ZNF385D: variants seen among roughly 807,000 people sequenced by gnomAD.
ZNF385D encodes zinc finger protein 659.
ZNF385D carries 15 observed loss-of-function variants against 35.8 expected under a neutral mutation model. The observed-to-expected ratio is 0.42, with a 90% confidence interval of 0.28 to 0.64. The LOEUF is 0.64. ZNF385D is among the 30% of genes least tolerant of loss of function. ZNF385D has a pLI of 0.23. For synonymous variants in ZNF385D, 212 were observed against 186.8 expected (o/e 1.13, Z -1.10); for missense variants, 474 against 494.6 (o/e 0.96, Z 0.39).
At chr3:22,095,328 C>T (rs1325614392) in intron 3 of ZNF385D, among the ~76,000 whole-genome samples, 1 of 151,934 alleles carries the variant, frequency 6.6e-6, no homozygotes, top group African/African-American at 2.4e-5. Context: ...AAATTCTGCA[C>T]ATCTATTTCT....
intron 3 of ZNF385D, among the ~76,000 whole-genome samples, chr3:21,531,496 G>T (rs1379583738): frequency 6.6e-6 from 1 of 152,272 alleles, no homozygotes; most frequent in African/African-American, 2.4e-5. Context: ...TGCCAAAAAT[G>T]AGAAACAACC....
At chr3:21,687,425 G>A (rs34736466) in intron 1 of ZNF385D, among the ~76,000 whole-genome samples, 20,431 of 152,026 alleles carry the variant, frequency 0.13, 1,597 homozygotes, top group East Asian at 0.23. Context: ...ACTTTTTGGA[G>A]CAGTTTTATG....
chr3:22,089,043 A>C (rs1701186990), intron 3 of ZNF385D, among the ~76,000 whole-genome samples: 1 of 152,194 alleles, frequency 6.6e-6, no homozygotes, highest in South Asian at 2.1e-4. Flanking sequence ...GGTAGGGATC[A>C]TAAGAAAAAT....
chr3:22,320,391 T>C (rs1694357692), intron 2 of ZNF385D, among the ~76,000 whole-genome samples: 1 of 152,100 alleles, frequency 6.6e-6, no homozygotes, highest in Non-Finnish European at 1.5e-5. Context: ...ATCATTTCCC[T>C]AATATTTTCC....
intron 2 of ZNF385D, among the ~76,000 whole-genome samples, chr3:22,264,989 T>C (rs1191835736): frequency 6.6e-6 from 1 of 151,876 alleles, no homozygotes; most frequent in Non-Finnish European, 1.5e-5. Context: ...CTCTTCCTTC[T>C]ACTCCAGAAT....
chr3:22,117,105 G>C (rs1374381307), intron 3 of ZNF385D, among the ~76,000 whole-genome samples: 1 of 152,018 alleles, frequency 6.6e-6, no homozygotes, highest in Non-Finnish European at 1.5e-5. Flanking sequence ...GGCTTTAGGA[G>C]TTCCCACTGG....
At chr3:21,915,037 T>G (rs569833097) in intron 3 of ZNF385D, among the ~76,000 whole-genome samples, 1 of 149,434 alleles carries the variant, frequency 6.7e-6, no homozygotes, top group South Asian at 2.1e-4. Flanking sequence ...AAATCCAGAG[T>G]GTAAAAATTA....
intron 3 of ZNF385D, among the ~76,000 whole-genome samples, chr3:22,001,886 T>G (rs1695865986): frequency 1.3e-5 from 2 of 152,044 alleles, no homozygotes; most frequent in South Asian, 4.1e-4. Flanking sequence ...TTGAAAAAAT[T>G]ATTGAAACAA....
chr3:21,625,316 C>A (rs1354876071), intron 2 of ZNF385D, among the ~76,000 whole-genome samples: 3 of 151,980 alleles, frequency 2.0e-5, no homozygotes, highest in African/African-American at 7.2e-5. Flanking sequence ...ATGAAATGAT[C>A]CAAAGGAGGA....
At chr3:21,886,635 T>C (rs956500855) in intron 3 of ZNF385D, among the ~76,000 whole-genome samples, 29 of 152,120 alleles carry the variant, frequency 1.9e-4, no homozygotes, top group Non-Finnish European at 2.9e-5. Context: ...ACATTGTCTG[T>C]ACTGAACTGG....
Position 21,464,743 on chromosome 3 carries a change from A to AACACACACACACACAC in ZNF385D, c.440-27556_440-27541dup, listed in dbSNP as rs6147726. On this transcript the variant is annotated intron_variant, in intron 4 of 7. Coordinates refer to ENST00000281523, the MANE Select transcript of ZNF385D (RefSeq NM_024697.3). ...TTACAGCTGCCAAAAAATAAATTAAAACACACACACACACACTTATGCAAC... is the reference window on the plus strand; with the variant it reads ...TTACAGCTGCCAAAAAATAAATTAAAACACACACACACACACACACACACACACACACTTATGCAAC... Among the ~76,000 whole-genome samples the AACACACACACACACAC allele has an allele frequency of 8.2e-3, 1,227 of 150,306 alleles. 12 individuals carry two copies. The highest frequency in any genetic ancestry group is 0.029 in the South Asian group (138 of 4,736).
At chr3:21,555,903 T>C (rs1445891795) in intron 3 of ZNF385D, among the ~76,000 whole-genome samples, 2 of 152,078 alleles carry the variant, frequency 1.3e-5, no homozygotes, top group Non-Finnish European at 2.9e-5. Flanking sequence ...ATGCTTGCCA[T>C]TCTAACTGGT....
At chr3:21,832,670 G>C (rs1007098430) in intron 3 of ZNF385D, among the ~76,000 whole-genome samples, 5 of 152,160 alleles carry the variant, frequency 3.3e-5, no homozygotes, top group Admixed American at 6.5e-5. Context: ...AAAACGGGCT[G>C]AATGGTAAGG....
chr3:21,427,971 G>A (rs1453604501), intron 5 of ZNF385D, among the ~76,000 whole-genome samples: 6 of 151,956 alleles, frequency 3.9e-5, no homozygotes, highest in African/African-American at 1.2e-4. Flanking sequence ...TGAGTCTAGG[G>A]TTACTATTCA....
rs1205073364 is a variant in ZNF385D at position 21,413,862 on chromosome 3, T to G, written c.*7352A>C. 1 of 152,086 alleles carries G rather than the reference T, an allele frequency of 6.6e-6. No individual in the cohort carries two copies. The highest frequency in any genetic ancestry group is 1.5e-5 in the Non-Finnish European group (1 of 67,984). The allele number at this position is 152,086 out of a possible 1,614,324, so 9.4% of individuals were successfully genotyped here. On this transcript the variant is annotated 3_prime_UTR_variant, in exon 8 of 8. Coordinates refer to ENST00000281523, the MANE Select transcript of ZNF385D (RefSeq NM_024697.3). Reference sequence around the variant, plus strand: ...TTAAAATATTTTTAGATCTCAAAACTAAAGTTCAAATTGGCTCATGTTAGT... The same window carrying G: ...TTAAAATATTTTTAGATCTCAAAACGAAAGTTCAAATTGGCTCATGTTAGT...
chr3:21,529,061 A>AT (rs963583585), intron 3 of ZNF385D, among the ~76,000 whole-genome samples: 2 of 151,858 alleles, frequency 1.3e-5, no homozygotes, highest in African/African-American at 4.8e-5. Flanking sequence ...CACTTTTTCC[A>AT]TTTTTTTTGT....
intron 4 of ZNF385D, among the ~76,000 whole-genome samples, chr3:21,507,065 T>C (rs1706822291): frequency 6.6e-6 from 1 of 152,182 alleles, no homozygotes; most frequent in South Asian, 2.1e-4. Flanking sequence ...AGATAAAACC[T>C]TATTATTTAT....
At chr3:21,970,345 A>G (rs1390647288) in intron 3 of ZNF385D, among the ~76,000 whole-genome samples, 2 of 152,148 alleles carry the variant, frequency 1.3e-5, no homozygotes, top group Non-Finnish European at 2.9e-5. Flanking sequence ...GAATCCTATT[A>G]GATAAACTTA....
chr3:21,821,842 T>G (rs1026329343), intron 3 of ZNF385D, among the ~76,000 whole-genome samples: 1 of 151,544 alleles, frequency 6.6e-6, no homozygotes, highest in Non-Finnish European at 1.5e-5. Flanking sequence ...CGTTCCTGCC[T>G]GCAGTCCCAG....
Sources: gnomAD v4.1 joint callset for allele counts (sites outside exome capture counted in the v4.1 genomes callset) on GRCh38, gnomAD v4.1.1 for gene constraint, MANE v1.5 for transcripts, NCBI Gene and HGNC (gene_info 2026-07-23, HGNC 2026-07-21) for gene names.